Variants in DNAH11 observed in about 807,000 individuals in gnomAD.
DNAH11 encodes axonemal beta dynein heavy chain 11.
DNAH11 carries 442 observed loss-of-function variants against 526.0 expected under a neutral mutation model. That is an observed-to-expected ratio of 0.84 (90% CI 0.78 to 0.91). The LOEUF (loss-of-function observed/expected upper bound fraction) is 0.91. Among genes scored for constraint, DNAH11 ranks in the 40% least tolerant of loss-of-function variants. The probability of loss-of-function intolerance (pLI) is 0.00; values close to 1 mark genes in which losing one functional copy is unlikely to be tolerated. For synonymous variants in DNAH11, 2,461 were observed against 1,935.9 expected (o/e 1.27, Z -7.12); for missense variants, 6,989 against 5,448.7 (o/e 1.28, Z -8.90).
chr7:21,543,220 C>A lies in DNAH11; in HGVS notation c.-26C>A. On this transcript the variant is annotated 5_prime_UTR_variant, in exon 1 of 82. Coordinates refer to ENST00000409508, the MANE Select transcript of DNAH11 (RefSeq NM_001277115.2). The stretch of plus-strand genomic sequence containing the variant: ...AGTCTCGGGTGAGGAGCCAGCCGGC[C>A]TCGCGTTCCCTCGGACGGTTGCCCA... The A allele has an allele frequency of 6.7e-7, 1 of 1,495,296 alleles. No homozygotes were observed. The highest frequency in any genetic ancestry group is 2.3e-5 in the Admixed American group (1 of 43,382). 92.6% of individuals were successfully genotyped at this position (1,495,296 alleles called of 1,614,324 possible). A position where few individuals can be genotyped will look rare whatever the true frequency, so the allele number is the denominator to read the frequency against.
chr7:21,570,950 T>C (rs1783862898), intron 7 of DNAH11, among the ~76,000 whole-genome samples: 1 of 152,166 alleles, frequency 6.6e-6, no homozygotes, highest in African/African-American at 2.4e-5. Context: ...TCTAAGAATT[T>C]TGGGCATTGT....
At position 21,642,423 on chromosome 7, in the gene DNAH11, A is replaced by G. The variant is rs574517884; in HGVS notation, c.4944+3358A>G. On this transcript the variant is annotated intron_variant, in intron 28 of 81. Transcript: ENST00000409508. ...CATTCTGAATTCTTGCTCACTAACT[A>G]TGGAATAATTAATGCTACAGGCTGT... 2.0e-5 allele frequency among the ~76,000 whole-genome samples: 3 copies of G among 152,262 alleles called. No individual in the cohort carries two copies. The South Asian group carries it at 6.2e-4, about 32-fold the overall frequency.
chr7:21,842,858 A>G, intron 66 of DNAH11, 110 bp downstream of exon 66: 1 of 943,670 alleles, frequency 1.1e-6, no homozygotes, highest in Non-Finnish European at 1.5e-6. Flanking sequence ...GAATCCTGCA[A>G]CCTAATTGGG....
At chr7:21,850,646 C>G (rs1374228115) in intron 66 of DNAH11, among the ~76,000 whole-genome samples, 2 of 96,234 alleles carry the variant, frequency 2.1e-5, no homozygotes, top group Non-Finnish European at 3.9e-5. Flanking sequence ...CTAAGTATAC[C>G]TTGTACTTAT....
Position 21,862,019 on chromosome 7 carries a change from T to C in DNAH11, c.11369T>C (p.Phe3790Ser). 6.2e-7 allele frequency: 1 copy of C among 1,610,988 alleles called. No homozygotes were observed. The highest frequency in any genetic ancestry group is 8.5e-7 in the Non-Finnish European group (1 of 1,178,534). ...DKLTFLSQMAFQILLRKKEID... is the reference protein window; with the variant it reads ...DKLTFLSQMASQILLRKKEID... ...CTCACCTTCCTGTCCCAGATGGCTTTTCAGGTAAGGAGATCAGTTACTTGA... is the reference window on the plus strand; with the variant it reads ...CTCACCTTCCTGTCCCAGATGGCTTCTCAGGTAAGGAGATCAGTTACTTGA... Residue 3790 changes from phenylalanine (F) to serine (S), a missense_variant, in exon 69 of 82, where the codon TTT (phenylalanine) becomes TCT (serine). Phe to Ser is a radical substitution (Grantham distance 155). Transcript: ENST00000409508.
At chr7:21,885,540 A>G (rs1784096307) in intron 76 of DNAH11, among the ~76,000 whole-genome samples, 1 of 152,122 alleles carries the variant, frequency 6.6e-6, no homozygotes, top group South Asian at 2.1e-4. Context: ...CTCGTGTCCT[A>G]TTGCACAGTA....
At chr7:21,588,770 G>A (rs762400877) in intron 11 of DNAH11, 134 bp downstream of exon 11, 1 of 993,840 alleles carries the variant, frequency 1.0e-6, no homozygotes, top group Non-Finnish European at 1.5e-6. Flanking sequence ...TTGGGTTTGT[G>A]GAGAGGGATT....
intron 6 of DNAH11, among the ~76,000 whole-genome samples, chr7:21,565,754 GA>G (rs1783640974): frequency 6.6e-6 from 1 of 152,206 alleles, no homozygotes; most frequent in East Asian, 1.9e-4. Flanking sequence ...TAACCTAAGT[GA>G]AATGCCCAGC....
intron 29 of DNAH11, among the ~76,000 whole-genome samples, chr7:21,658,202 A>C (rs1380216842): frequency 6.6e-6 from 1 of 152,004 alleles, no homozygotes; most frequent in African/African-American, 2.4e-5. Context: ...CAGTTGTCCT[A>C]TGTCTAATAC....
intron 28 of DNAH11, among the ~76,000 whole-genome samples, chr7:21,650,317 C>G (rs932273304): frequency 6.6e-6 from 1 of 152,010 alleles, no homozygotes; most frequent in African/African-American, 2.4e-5. Context: ...ATTGCATGTT[C>G]ATTATTGAAC....
chr7:21,737,245 G>A (rs1785658547), intron 46 of DNAH11, among the ~76,000 whole-genome samples: 1 of 152,210 alleles, frequency 6.6e-6, no homozygotes, highest in Admixed American at 6.5e-5. Flanking sequence ...GATGACTGAA[G>A]CATAGTGATT....
intron 48 of DNAH11, among the ~76,000 whole-genome samples, chr7:21,739,976 C>G (rs1387432121): frequency 1.3e-5 from 2 of 152,138 alleles, no homozygotes; most frequent in Non-Finnish European, 2.9e-5. Context: ...TTACAATGAT[C>G]AGCCAATATT....
chr7:21,755,291 T>A (rs1786579725), intron 54 of DNAH11, among the ~76,000 whole-genome samples: 1 of 152,206 alleles, frequency 6.6e-6, no homozygotes. Context: ...TCCTTCACAT[T>A]TGTCTATATG....
chr7:21,799,528 AG>A (rs2127992602), intron 61 of DNAH11, among the ~76,000 whole-genome samples: 1 of 151,718 alleles, frequency 6.6e-6, no homozygotes, highest in Admixed American at 6.6e-5. Flanking sequence ...AGTAGAGACA[AG>A]GTTTCGCCAT....
intron 68 of DNAH11, 119 bp downstream of exon 68, chr7:21,854,574 G>A: frequency 9.0e-7 from 1 of 1,108,570 alleles, no homozygotes; most frequent in Non-Finnish European, 1.2e-6. Context: ...TATTGAGACA[G>A]AGTCTCACTC....
intron 74 of DNAH11, among the ~76,000 whole-genome samples, chr7:21,874,652 T>A (rs989404401): frequency 6.6e-6 from 1 of 151,978 alleles, no homozygotes; most frequent in African/African-American, 2.4e-5. Context: ...CAAATACATA[T>A]ATAAATTAAT....
chr7:21,713,584 C>A (rs1453241440), intron 42 of DNAH11, among the ~76,000 whole-genome samples: 1 of 152,124 alleles, frequency 6.6e-6, no homozygotes, highest in Non-Finnish European at 1.5e-5. Context: ...ATGGTACTGT[C>A]CCTTCCATTT....
At chr7:21,820,777 A>T (rs192675872) in intron 65 of DNAH11, among the ~76,000 whole-genome samples, 1 of 152,182 alleles carries the variant, frequency 6.6e-6, no homozygotes, top group Non-Finnish European at 1.5e-5. Context: ...GGTAGTACCA[A>T]TTGTTTTTAA....
At chr7:21,839,587 A>G (rs12537295) in intron 65 of DNAH11, among the ~76,000 whole-genome samples, 72,286 of 150,720 alleles carry the variant, frequency 0.48, 19,690 homozygotes, top group Non-Finnish European at 0.63. Context: ...AAAAAAAAAA[A>G]GGGGACGTAT....
Sources: gnomAD v4.1 joint callset for allele counts (sites outside exome capture counted in the v4.1 genomes callset) on GRCh38, gnomAD v4.1.1 for gene constraint, MANE v1.5 for transcripts, NCBI Gene and HGNC (gene_info 2026-07-23, HGNC 2026-07-21) for gene names.